DZIP1L: variants seen among roughly 807,000 people sequenced by gnomAD.
DZIP1L encodes cilium assembly protein DZIP1L.
A neutral mutation model predicts 88.7 loss-of-function variants in DZIP1L; 90 were observed. The ratio of observed to expected loss-of-function variants is 1.02; its 90% CI spans 0.86 to 1.21. The LOEUF is 1.21. Among genes scored for constraint, DZIP1L ranks in the 50% most tolerant of loss-of-function variants. The pLI is 0.00. For synonymous variants in DZIP1L, 363 were observed against 372.1 expected (o/e 0.98, Z 0.28); for missense variants, 932 against 955.8 (o/e 0.98, Z 0.33).
chr3:138,102,445 T>C (rs1425897224), intron 2 of DZIP1L: 21 of 1,447,106 alleles, frequency 1.5e-5, no homozygotes, highest in African/African-American at 2.8e-5. Context: ...CAGCTTCAGC[T>C]TCTCCTGGCC....
intron 10 of DZIP1L, chr3:138,080,242 G>T: frequency 4.1e-6 from 1 of 241,702 alleles, no homozygotes; most frequent in Non-Finnish European, 8.4e-6. Context: ...CATAGTCGCA[G>T]GTGAGAGTCA....
At chr3:138,109,091 T>C (rs895589340) in intron 1 of DZIP1L, among the ~76,000 whole-genome samples, 2 of 152,326 alleles carry the variant, frequency 1.3e-5, no homozygotes, top group South Asian at 2.1e-4. Context: ...TTTGTGTTCC[T>C]TATTGGCTAA....
At chr3:138,109,275 A>G (rs945473029) in intron 1 of DZIP1L, among the ~76,000 whole-genome samples, 9 of 152,264 alleles carry the variant, frequency 5.9e-5, no homozygotes, top group Middle Eastern at 3.4e-3. Context: ...GCACTCATCT[A>G]TTTCTCAGGA....
chr3:138,064,376 G>A (rs2107727049), intron 15 of DZIP1L: 1 of 1,344,768 alleles, frequency 7.4e-7, no homozygotes, highest in Non-Finnish European at 9.6e-7. Flanking sequence ...GCAGGAGATG[G>A]GACAATCAAA....
At chr3:138,081,089 T>C (rs1177052406) in intron 9 of DZIP1L, among the ~76,000 whole-genome samples, 1 of 151,848 alleles carries the variant, frequency 6.6e-6, no homozygotes, top group Non-Finnish European at 1.5e-5. Flanking sequence ...AGGCAAGGGA[T>C]AGGAAGAAAT....
In DZIP1L at chr3:138,103,629, G is replaced by A. The variant is rs1344606194; in HGVS notation, c.343C>T (p.Leu115=). The A allele has an allele frequency of 3.1e-6, 5 of 1,606,690 alleles. No individual in the cohort carries two copies. In the African/African-American group the frequency reaches 6.7e-5, roughly 21 times the overall value. The part of the protein sequence containing the change: ...SASVAQLEAR[L]QTSLGQQQRG... The stretch of plus-strand genomic sequence containing the variant: ...TGCTGCTGGCCCAGGCTGGTCTGCA[G>A]CCGTGCCTCCAGCTGGGCAACACTG... Residue 115 remains leucine (L), a synonymous_variant, in exon 2 of 16, where the codon CTG becomes TTG. Transcript: ENST00000327532.
chr3:138,097,934 T>A, intron 2 of DZIP1L, 87 bp from the exon 3 acceptor site: 2 of 1,147,636 alleles, frequency 1.7e-6, no homozygotes, highest in Non-Finnish European at 2.6e-6. Context: ...CCCCATCCCC[T>A]TGGGACCCCT....
Position 138,103,673 on chromosome 3 carries a change from C to A in DZIP1L, c.299G>T (p.Cys100Phe). ...AACACTGGCACTCAGGCAATCCTGGCAGTGCAGCAGGTACTCAATGATGAG... is the reference window on the plus strand; with the variant it reads ...AACACTGGCACTCAGGCAATCCTGGAAGTGCAGCAGGTACTCAATGATGAG... ...AQLIIEYLLH[C>F]QDCLSASVAQ... The change falls in exon 2 of 16, where the codon TGC becomes TTC. Residue 100 changes from cysteine (C) to phenylalanine (F), a missense_variant. Physicochemically the swap from Cys to Phe is radical, Grantham distance 205. Transcript: ENST00000327532. 1 of 1,610,392 alleles carries A rather than the reference C, an allele frequency of 6.2e-7. No individual in the cohort carries two copies.
intron 11 of DZIP1L, among the ~76,000 whole-genome samples, chr3:138,073,356 T>C (rs1398203034): frequency 6.6e-6 from 1 of 152,170 alleles, no homozygotes; most frequent in East Asian, 1.9e-4. Context: ...GCTGGAATAG[T>C]ATCCACGGCT....
In DZIP1L at chr3:138,087,041, C is replaced by T. The variant is rs1264131852; in HGVS notation, c.1000-18G>A. 1.2e-6 allele frequency: 2 copies of T among 1,613,346 alleles called. No individual in the cohort carries two copies. Among genetic ancestry groups the T allele is most frequent in the Admixed American group, 3.3e-5 (2 of 59,942 alleles). ...TCCGTTTTCTGAAAAAGATTAAAAG[C>T]TTATCAAATGGGCCCTTGCAGGTAT... On this transcript the variant is annotated intron_variant, in intron 6 of 15. Transcript: ENST00000327532.
chr3:138,109,794 T>C (rs1186776604), intron 1 of DZIP1L, among the ~76,000 whole-genome samples: 1 of 152,004 alleles, frequency 6.6e-6, no homozygotes, highest in Non-Finnish European at 1.5e-5. Flanking sequence ...AAATAATGAG[T>C]TCATGTACTT....
chr3:138,114,976 T>C (rs1055965977), intron 1 of DZIP1L, among the ~76,000 whole-genome samples: 2 of 152,156 alleles, frequency 1.3e-5, no homozygotes, highest in Non-Finnish European at 2.9e-5. Flanking sequence ...CCAAATCACT[T>C]TTCTTTTTTC....
rs775711836 is a variant in DZIP1L, at chr3:138,088,468, T to G, written c.910A>C (p.Lys304Gln). Residue 304 changes from lysine to glutamine, a missense_variant, in exon 6 of 16, where the codon AAG (lysine) becomes CAG (glutamine). Transcript: ENST00000327532. Reference protein sequence around the residue: ...ALQSHSVMESKLGSLRDEESE... With the variant: ...ALQSHSVMESQLGSLRDEESE... ...TCCTCATCTCGCAGTGATCCCAGCT[T>G]GGACTCCATCACACTGTGGGACTGC... 15 of 1,613,914 alleles carry G rather than the reference T, an allele frequency of 9.3e-6. No individual in the cohort carries two copies. Among genetic ancestry groups the G allele is most frequent in the Non-Finnish European group, 1.2e-5 (14 of 1,179,964 alleles).
At chr3:138,114,530 G>A (rs927113337) in intron 1 of DZIP1L, among the ~76,000 whole-genome samples, 3 of 152,148 alleles carry the variant, frequency 2.0e-5, no homozygotes, top group Admixed American at 2.0e-4. Flanking sequence ...GGGGAGGAGA[G>A]GTGCTAGGGG....
chr3:138,065,853 G>A (rs551010987), intron 14 of DZIP1L, among the ~76,000 whole-genome samples: 20 of 152,332 alleles, frequency 1.3e-4, no homozygotes, highest in Admixed American at 2.6e-4. Flanking sequence ...TCAGTTGGCA[G>A]TTTTATAGGA....
At position 138,064,701 on chromosome 3, in the gene DZIP1L, G is replaced by A; in HGVS notation, c.2069C>T (p.Ala690Val). The A allele has an allele frequency of 6.2e-7, 1 of 1,612,482 alleles. No individual in the cohort carries two copies. Among genetic ancestry groups the A allele is most frequent in the South Asian group, 1.1e-5 (1 of 90,794 alleles). ...KQLEAPAKKP[A>V]GGVSLFFMPN... ...CATAAAAAACAGACTGACCCCTCCA[G>A]CAGGCTTCTTTGCTGGAGCTTCTAG... Residue 690 changes from alanine to valine, a missense_variant, in exon 15 of 16, where the codon GCT becomes GTT. By Grantham distance (64) the Ala-to-Val change is moderately conservative. Transcript: ENST00000327532.
intron 1 of DZIP1L, among the ~76,000 whole-genome samples, chr3:138,113,854 T>A (rs1298540382): frequency 2.0e-5 from 3 of 152,178 alleles, no homozygotes; most frequent in Non-Finnish European, 4.4e-5. Flanking sequence ...AAGGAGATAT[T>A]TTTAAGTGGC....
chr3:138,099,951 T>A (rs938410836), intron 2 of DZIP1L, among the ~76,000 whole-genome samples: 1 of 152,218 alleles, frequency 6.6e-6, no homozygotes, highest in Non-Finnish European at 1.5e-5. Flanking sequence ...CAGTGTTTTT[T>A]GTATGCTAAT....
chr3:138,072,134 C>A (rs1943210709), intron 11 of DZIP1L, among the ~76,000 whole-genome samples: 1 of 152,218 alleles, frequency 6.6e-6, no homozygotes, highest in Admixed American at 6.5e-5. Context: ...TTGGAACATG[C>A]TTTTCTACCA....
Sources: gnomAD v4.1 joint callset for allele counts (sites outside exome capture counted in the v4.1 genomes callset) on GRCh38, gnomAD v4.1.1 for gene constraint, MANE v1.5 for transcripts, NCBI Gene and HGNC (gene_info 2026-07-23, HGNC 2026-07-21) for gene names.